The following NKAIN2 variants were observed in gnomAD, a reference collection of about 807,000 sequenced individuals.
The protein encoded by NKAIN2 is sodium/potassium transporting ATPase interacting 2, also known as sodium/potassium-transporting ATPase subunit beta-1-interacting protein 2.
NKAIN2 carries 14 observed loss-of-function variants against 32.6 expected under a neutral mutation model. The observed-to-expected ratio is 0.43, with a 90% confidence interval of 0.28 to 0.67. The LOEUF is 0.67. Among genes scored for constraint, NKAIN2 ranks in the 30% least tolerant of loss-of-function variants. The pLI is 0.17. For synonymous variants in NKAIN2, 80 were observed against 87.2 expected, an observed-to-expected ratio of 0.92 and a Z score of 0.46; for missense variants, 198 against 258.3, an observed-to-expected ratio of 0.77 and a Z score of 1.60.
chr6:124,124,559 A>G (rs1037506653), intron 1 of NKAIN2, among the ~76,000 whole-genome samples: 5 of 152,210 alleles, frequency 3.3e-5, no homozygotes, highest in African/African-American at 1.2e-4. Context: ...ACAAATGTTA[A>G]ACAAGACAAA....
At chr6:123,875,113 G>C (rs976464387) in intron 1 of NKAIN2, among the ~76,000 whole-genome samples, 1 of 151,578 alleles carries the variant, frequency 6.6e-6, no homozygotes, top group Non-Finnish European at 1.5e-5. Flanking sequence ...TTCCATTTGG[G>C]GACATTTAGG....
chr6:124,326,533 C>A (rs1384251854), intron 2 of NKAIN2, among the ~76,000 whole-genome samples: 2 of 152,088 alleles, frequency 1.3e-5, no homozygotes, highest in Non-Finnish European at 2.9e-5. Context: ...CAAGACAATG[C>A]TTCATCTTTA....
chr6:124,468,469 C>T (rs1432454210), intron 3 of NKAIN2, among the ~76,000 whole-genome samples: 2 of 152,072 alleles, frequency 1.3e-5, no homozygotes, highest in Admixed American at 6.6e-5. Context: ...AGGTACAGTT[C>T]TCTAAATTTA....
intron 1 of NKAIN2, among the ~76,000 whole-genome samples, chr6:124,006,148 G>A (rs1411660487): frequency 6.6e-6 from 1 of 152,148 alleles, no homozygotes; most frequent in African/African-American, 2.4e-5. Context: ...GGAGAGGAGC[G>A]ATGGTTGAGA....
At chr6:124,442,646 G>A (rs1390223513) in intron 3 of NKAIN2, among the ~76,000 whole-genome samples, 1 of 152,052 alleles carries the variant, frequency 6.6e-6, no homozygotes, top group African/African-American at 2.4e-5. Context: ...TGATGCAGTA[G>A]TTCTGATAGA....
chr6:123,947,738 A>G (rs559944179), intron 1 of NKAIN2, among the ~76,000 whole-genome samples: 2 of 152,288 alleles, frequency 1.3e-5, no homozygotes, highest in African/African-American at 2.4e-5. Context: ...TCGAGCATTT[A>G]TCATTTCTAT....
chr6:123,952,121 G>A (rs1454669067), intron 1 of NKAIN2, among the ~76,000 whole-genome samples: 1 of 151,846 alleles, frequency 6.6e-6, no homozygotes, highest in East Asian at 1.9e-4. Flanking sequence ...TGCTTGTCTG[G>A]GATAGACTAT....
At position 124,486,353 on chromosome 6, in the gene NKAIN2, G is replaced by A. The variant is rs985015923; in HGVS notation, c.273+131006G>A. Among the ~76,000 whole-genome samples, 4 of 152,108 alleles carry A rather than the reference G, an allele frequency of 2.6e-5. No individual in the cohort carries two copies. The South Asian group carries it at 6.2e-4, about 24-fold the overall frequency. On this transcript the variant is annotated intron_variant, in intron 3 of 6. Transcript: ENST00000368417. Reference sequence around the variant, plus strand: ...AAATGAGAAGTACACAAAGCCCTTCGATAGAAAAATTGTGAAAAAAACCTC... The same window carrying A: ...AAATGAGAAGTACACAAAGCCCTTCAATAGAAAAATTGTGAAAAAAACCTC...
Position 124,814,282 on chromosome 6 carries a change from AT to A in NKAIN2, c.536-4104del, listed in dbSNP as rs370778078. 6.1e-3 allele frequency among the ~76,000 whole-genome samples: 927 copies of A among 152,302 alleles called. 10 individuals are homozygous for A. The highest frequency in any genetic ancestry group is 0.021 in the African/African-American group (890 of 41,568). The stretch of plus-strand genomic sequence containing the variant: ...AAACAATTTCTGAGAAGAAGTGCAC[AT>A]GGAAATTGACTGTACACTGTCTCCT... On this transcript the variant is annotated intron_variant, in intron 5 of 6. Coordinates refer to ENST00000368417, the MANE Select transcript of NKAIN2 (RefSeq NM_001040214.3).
chr6:124,297,501 A>G (rs1468011905), intron 2 of NKAIN2, among the ~76,000 whole-genome samples: 1 of 152,052 alleles, frequency 6.6e-6, no homozygotes, highest in Non-Finnish European at 1.5e-5. Flanking sequence ...AGAGGCAGAA[A>G]AGGTGGAAAC....
At chr6:124,372,194 G>A (rs1244678940) in intron 3 of NKAIN2, among the ~76,000 whole-genome samples, 3 of 151,954 alleles carry the variant, frequency 2.0e-5, no homozygotes, top group Non-Finnish European at 4.4e-5. Flanking sequence ...AAGAAATTTG[G>A]TTTCAGTTTT....
At chr6:124,247,761 AT>A (rs1793487845) in intron 1 of NKAIN2, among the ~76,000 whole-genome samples, 1 of 152,120 alleles carries the variant, frequency 6.6e-6, no homozygotes, top group Non-Finnish European at 1.5e-5. Flanking sequence ...CTCTTTGTGG[AT>A]TAAGTTATAT....
At chr6:124,048,607 T>C (rs1460522924) in intron 1 of NKAIN2, among the ~76,000 whole-genome samples, 12 of 152,050 alleles carry the variant, frequency 7.9e-5, no homozygotes, top group Non-Finnish European at 1.5e-5. Flanking sequence ...TATGCCAGCA[T>C]CTACACAAGA....
At chr6:123,842,724 A>G (rs540796390) in intron 1 of NKAIN2, among the ~76,000 whole-genome samples, 3 of 152,006 alleles carry the variant, frequency 2.0e-5, no homozygotes, top group Non-Finnish European at 4.4e-5. Context: ...GCTCTGCCCA[A>G]TGCTATGGGA....
At position 124,035,295 on chromosome 6, in the gene NKAIN2, T is replaced by C. The variant is rs1414037336; in HGVS notation, c.54+231041T>C. On this transcript the variant is annotated intron_variant, in intron 1 of 6. Transcript: ENST00000368417. Reference sequence around the variant, plus strand: ...TCTAACATCATTGCCCATAAGCTAATAAACCTTAACTGTAAATTAGAGCAC... The same window carrying C: ...TCTAACATCATTGCCCATAAGCTAACAAACCTTAACTGTAAATTAGAGCAC... 2.6e-5 allele frequency among the ~76,000 whole-genome samples: 4 copies of C among 152,110 alleles called. No homozygotes were observed. The East Asian group carries it at 5.8e-4, about 22-fold the overall frequency.
chr6:123,961,049 T>G (rs1562279424), intron 1 of NKAIN2, among the ~76,000 whole-genome samples: 1 of 152,168 alleles, frequency 6.6e-6, no homozygotes, highest in Non-Finnish European at 1.5e-5. Flanking sequence ...CTGTGACAGA[T>G]GCAAAGCAGG....
At chr6:124,212,857 A>G (rs1170629877) in intron 1 of NKAIN2, among the ~76,000 whole-genome samples, 1 of 152,102 alleles carries the variant, frequency 6.6e-6, no homozygotes, top group Non-Finnish European at 1.5e-5. Flanking sequence ...AAATGATGCA[A>G]CTTTAAAAAC....
chr6:124,473,842 G>A (rs1475284192), intron 3 of NKAIN2, among the ~76,000 whole-genome samples: 2 of 152,100 alleles, frequency 1.3e-5, no homozygotes, highest in South Asian at 2.1e-4. Context: ...TAAGCCATGC[G>A]TCAAAACCTT....
intron 1 of NKAIN2, among the ~76,000 whole-genome samples, chr6:124,175,863 G>A (rs946875405): frequency 1.3e-5 from 2 of 151,948 alleles, no homozygotes; most frequent in African/African-American, 2.4e-5. Context: ...TCTCTCTCTT[G>A]CCCTTTATTT....
Sources: gnomAD v4.1 joint callset for allele counts (sites outside exome capture counted in the v4.1 genomes callset) on GRCh38, gnomAD v4.1.1 for gene constraint, MANE v1.5 for transcripts, NCBI Gene and HGNC (gene_info 2026-07-23, HGNC 2026-07-21) for gene names.